Variants in AP1B1 observed in about 807,000 individuals in gnomAD.
The protein encoded by AP1B1 is adaptor related protein complex 1 subunit beta 1, also known as AP-1 complex subunit beta-1.
AP1B1 carries 36 observed loss-of-function variants against 104.3 expected under a neutral mutation model. That is an observed-to-expected ratio of 0.35 (90% CI 0.26 to 0.46). The LOEUF is 0.46. Among genes scored for constraint, AP1B1 ranks in the 20% least tolerant of loss-of-function variants. AP1B1 has a pLI of 1.00. For missense variants in AP1B1, 901 were observed against 1,247.9 expected (o/e 0.72, Z 4.19); for synonymous variants, 504 against 517.5 (o/e 0.97, Z 0.35).
intron 22 of AP1B1, chr22:29,329,225 T>C: frequency 8.3e-7 from 1 of 1,207,794 alleles, no homozygotes. Context: ...CCAGAGTCCC[T>C]GAAGGTCTGG....
intron 7 of AP1B1, 99 bp downstream of exon 7, chr22:29,354,551 C>T (rs1396695998): frequency 1.7e-6 from 2 of 1,168,940 alleles, no homozygotes; most frequent in Non-Finnish European, 2.5e-6. Context: ...TTGAGACTTC[C>T]TGCATGGTGA....
chr22:29,349,422 G>C (rs2061839872), intron 10 of AP1B1, 39 bp from the exon 11 acceptor site: 2 of 1,604,060 alleles, frequency 1.2e-6, no homozygotes, highest in East Asian at 4.5e-5. Flanking sequence ...GAGCCCTCAA[G>C]GAGAACGGGA....
At position 29,328,559 on chromosome 22, in the gene AP1B1, T is replaced by G; in HGVS notation, c.*262A>C. 1 of 448,546 alleles carries G rather than the reference T, an allele frequency of 2.2e-6. No homozygotes were observed. The highest frequency in any genetic ancestry group is 4.1e-6 in the Non-Finnish European group (1 of 244,640). 27.8% of individuals were successfully genotyped at this position (448,546 alleles called of 1,614,324 possible). On this transcript the variant is annotated 3_prime_UTR_variant, in exon 23 of 23. Coordinates refer to ENST00000357586, the MANE Select transcript of AP1B1 (RefSeq NM_001127.4). The surrounding 1 kb of genome is among the most constrained non-coding windows in gnomAD (Gnocchi z 4.1). ...CTGTGGCTGCTCTGGCTCTGTTTCC[T>G]TTGGTCCCCACCTCACTTAACCCCA...
intron 16 of AP1B1, among the ~76,000 whole-genome samples, chr22:29,336,476 T>C (rs1483972100): frequency 6.6e-6 from 1 of 152,124 alleles, no homozygotes; most frequent in African/African-American, 2.4e-5. Flanking sequence ...CATCTGACCC[T>C]TCACGAAGAC....
At chr22:29,351,062 G>A in intron 9 of AP1B1, 109 bp downstream of exon 9, 1 of 1,065,320 alleles carries the variant, frequency 9.4e-7, no homozygotes, top group South Asian at 1.5e-5. Flanking sequence ...TGAGCCTCAG[G>A]CCTTCCCAGA....
intron 1 of AP1B1, among the ~76,000 whole-genome samples, chr22:29,387,836 A>G (rs2062554369): frequency 1.3e-5 from 2 of 152,190 alleles, no homozygotes; most frequent in Admixed American, 6.5e-5. Context: ...TTGTAAGGAA[A>G]GTGCTTAGCA....
intron 1 of AP1B1, among the ~76,000 whole-genome samples, chr22:29,371,200 C>T (rs1020938949): frequency 6.6e-6 from 1 of 152,200 alleles, no homozygotes; most frequent in African/African-American, 2.4e-5. Flanking sequence ...CCTGGTCTTG[C>T]AGTTGCCTCT....
At chr22:29,362,684 C>T (rs966456815) in intron 3 of AP1B1, among the ~76,000 whole-genome samples, 4 of 152,188 alleles carry the variant, frequency 2.6e-5, no homozygotes, top group Non-Finnish European at 5.9e-5. Context: ...GACCTGGCCA[C>T]ACTGGGTCCT....
At chr22:29,384,561 C>T (rs116814960) in intron 1 of AP1B1, among the ~76,000 whole-genome samples, 439 of 152,254 alleles carry the variant, frequency 2.9e-3, no homozygotes, top group African/African-American at 0.01. Context: ...GGCAGGTCTT[C>T]GTCAAGGATT....
At position 29,349,439 on chromosome 22, in the gene AP1B1, G is replaced by A. The variant is rs541045096; in HGVS notation, c.1272-56C>T. 5.8e-5 allele frequency: 93 copies of A among 1,592,012 alleles called. No homozygotes were observed. The African/African-American group carries it at 1.0e-3, about 18-fold the overall frequency. On this transcript the variant is annotated intron_variant, in intron 10 of 22. Coordinates refer to ENST00000357586, the MANE Select transcript of AP1B1 (RefSeq NM_001127.4). The stretch of plus-strand genomic sequence containing the variant: ...GCCCTCAAGGAGAACGGGAAACCCA[G>A]GGAAGCCAGACAGGGGCCAGGAGGG...
At chr22:29,343,727 C>T (rs1236889568) in intron 11 of AP1B1, among the ~76,000 whole-genome samples, 2 of 152,216 alleles carry the variant, frequency 1.3e-5, no homozygotes, top group East Asian at 1.9e-4. Flanking sequence ...AGACCCTCGG[C>T]AAGTCATTTA....
chr22:29,330,871 C>T (rs559306802), intron 19 of AP1B1, among the ~76,000 whole-genome samples, 162 bp from the exon 20 acceptor site: 6 of 152,214 alleles, frequency 3.9e-5, no homozygotes, highest in South Asian at 2.1e-4. Context: ...GCACACCCTC[C>T]GCTCTGTGAG....
At chr22:29,330,280 T>G in intron 21 of AP1B1, 98 bp downstream of exon 21, 1 of 1,567,550 alleles carries the variant, frequency 6.4e-7, no homozygotes. Flanking sequence ...AAGCCAGGCT[T>G]GAAGGGACGC....
intron 1 of AP1B1, among the ~76,000 whole-genome samples, chr22:29,375,924 G>A (rs1472896172): frequency 1.3e-5 from 2 of 152,106 alleles, no homozygotes; most frequent in Non-Finnish European, 2.9e-5. Flanking sequence ...CAGACATCCC[G>A]TGGTTCTATG....
intron 1 of AP1B1, among the ~76,000 whole-genome samples, chr22:29,369,727 T>C (rs2062201298): frequency 6.6e-6 from 1 of 151,980 alleles, no homozygotes; most frequent in Admixed American, 6.6e-5. Context: ...TTGAAAGAAA[T>C]GAAAAGGGGC....
At chr22:29,337,809 C>T (rs899491591) in intron 16 of AP1B1, among the ~76,000 whole-genome samples, 2 of 152,216 alleles carry the variant, frequency 1.3e-5, no homozygotes, top group South Asian at 2.1e-4. Flanking sequence ...CAAGAGCCCC[C>T]GTGGTCCAGC....
At chr22:29,378,547 C>T (rs1271714341) in intron 1 of AP1B1, among the ~76,000 whole-genome samples, 4 of 115,508 alleles carry the variant, frequency 3.5e-5, no homozygotes, top group Admixed American at 3.0e-4. Context: ...AAAGAAACTC[C>T]GTATCAAAAA....
chr22:29,354,505 C>G, intron 7 of AP1B1, 145 bp downstream of exon 7: 1 of 781,128 alleles, frequency 1.3e-6, no homozygotes, highest in Non-Finnish European at 2.1e-6. Context: ...GGGGGCAAAG[C>G]TGCCACTTTG....
intron 1 of AP1B1, among the ~76,000 whole-genome samples, chr22:29,380,131 C>A (rs922041572): frequency 6.6e-6 from 1 of 152,180 alleles, no homozygotes; most frequent in African/African-American, 2.4e-5. Context: ...AAGTCTCATG[C>A]TGATAAGCAT....
Sources: gnomAD v4.1 joint callset for allele counts (sites outside exome capture counted in the v4.1 genomes callset) on GRCh38, gnomAD v4.1.1 for gene constraint, Gnocchi (gnomAD v3.1) non-coding constraint, MANE v1.5 for transcripts, NCBI Gene and HGNC (gene_info 2026-07-23, HGNC 2026-07-21) for gene names.